DAB1: variants seen among roughly 807,000 people sequenced by gnomAD.
The protein encoded by DAB1 is DAB adaptor protein 1, also known as disabled homolog 1.
DAB1 carries 15 observed loss-of-function variants against 64.6 expected under a neutral mutation model. The ratio of observed to expected loss-of-function variants is 0.23; its 90% CI spans 0.16 to 0.36. The LOEUF is 0.36. Among genes scored for constraint, DAB1 ranks in the 10% least tolerant of loss-of-function variants. The pLI is 1.00. For synonymous variants in DAB1, 235 were observed against 251.9 expected (o/e 0.93, Z 0.64); for missense variants, 596 against 706.7 (o/e 0.84, Z 1.78).
intron 1 of DAB1, among the ~76,000 whole-genome samples, chr1:57,833,164 T>C (rs1652664887): frequency 6.6e-6 from 1 of 152,198 alleles, no homozygotes; most frequent in Admixed American, 6.5e-5. Flanking sequence ...TTGGTTGTTG[T>C]TATTGCCTAT....
chr1:57,067,255 T>G (rs2100582771), intron 8 of DAB1, among the ~76,000 whole-genome samples: 1 of 152,150 alleles, frequency 6.6e-6, no homozygotes, highest in Admixed American at 6.5e-5. Context: ...CAAGTGTGAT[T>G]TTTAGATAGT....
At chr1:58,264,729 G>C (rs951339778) in intron 4 of DAB1, among the ~76,000 whole-genome samples, 1 of 152,116 alleles carries the variant, frequency 6.6e-6, no homozygotes, top group Non-Finnish European at 1.5e-5. Context: ...CACTTTTTTG[G>C]GTGAGAACTA....
At chr1:57,406,086 G>A (rs1307859871) in intron 1 of DAB1, among the ~76,000 whole-genome samples, 1 of 152,130 alleles carries the variant, frequency 6.6e-6, no homozygotes, top group Non-Finnish European at 1.5e-5. Flanking sequence ...ATATGTGATG[G>A]CACATGCCTC....
chr1:57,920,855 GCA>G (rs1644798340), intron 5 of DAB1, among the ~76,000 whole-genome samples: 1 of 152,036 alleles, frequency 6.6e-6, no homozygotes, highest in Admixed American at 6.6e-5. Context: ...CTATAAATTG[GCA>G]CAACCCTTTT....
rs1234238976 is a variant in DAB1 at position 57,071,602 on chromosome 1, G to A, written c.478C>T (p.Leu160Phe). ...TCTCTTTGCTTCAATTCATAAATGA[G>A]TTGAAAGAGATCTCTCAAGTCCAGA... ...VILDLRDLFQLIYELKQREEL... is the reference protein window; with the variant it reads ...VILDLRDLFQFIYELKQREEL... The change falls in exon 6 of 15, where the codon CTC (leucine) becomes TTC (phenylalanine). Residue 160 changes from leucine (L) to phenylalanine (F), a missense_variant. Leu to Phe is a conservative substitution (Grantham distance 22). Coordinates refer to ENST00000371236, the MANE Select transcript of DAB1 (RefSeq NM_001365792.1). The A allele has an allele frequency of 3.7e-6, 6 of 1,613,122 alleles. No individual in the cohort carries two copies. In the South Asian group the frequency reaches 4.4e-5, roughly 12 times the overall value.
At chr1:57,281,291 G>A (rs556945298) in intron 2 of DAB1, among the ~76,000 whole-genome samples, 89 of 152,288 alleles carry the variant, frequency 5.8e-4, no homozygotes, top group African/African-American at 2.0e-3. Flanking sequence ...ACCCACAACT[G>A]GGGGGCATGT....
intron 3 of DAB1, among the ~76,000 whole-genome samples, chr1:58,456,864 A>G (rs893417227): frequency 3.9e-5 from 6 of 152,136 alleles, no homozygotes; most frequent in African/African-American, 1.4e-4. Flanking sequence ...GTATTTTTTA[A>G]AAACATTCCA....
chr1:57,543,329 T>G (rs542058647), intron 7 of DAB1, among the ~76,000 whole-genome samples: 2 of 152,138 alleles, frequency 1.3e-5, no homozygotes, highest in Non-Finnish European at 2.9e-5. Context: ...TCAAACCCAC[T>G]CCTTCCCCTA....
At chr1:57,043,556 A>G (rs1051358211) in intron 9 of DAB1, among the ~76,000 whole-genome samples, 1 of 152,204 alleles carries the variant, frequency 6.6e-6, no homozygotes, top group Non-Finnish European at 1.5e-5. Flanking sequence ...TTTAAAAAAT[A>G]TCAGATGAGG....
intron 4 of DAB1, among the ~76,000 whole-genome samples, chr1:58,177,469 C>T (rs1184421777): frequency 6.6e-6 from 1 of 152,118 alleles, no homozygotes; most frequent in Non-Finnish European, 1.5e-5. Flanking sequence ...CTTAATGTAG[C>T]TAAATATTCA....
chr1:58,136,890 GCTGT>G (rs1190423475), intron 5 of DAB1, among the ~76,000 whole-genome samples: 1 of 152,178 alleles, frequency 6.6e-6, no homozygotes, highest in African/African-American at 2.4e-5. Flanking sequence ...TTATACTAGA[GCTGT>G]CTAATTTTAA....
At chr1:57,773,627 T>TATCA (rs1448925017) in intron 6 of DAB1, among the ~76,000 whole-genome samples, 14 of 152,056 alleles carry the variant, frequency 9.2e-5, no homozygotes, top group Admixed American at 9.2e-4. Flanking sequence ...CTAGGAGCTT[T>TATCA]ATCATTTCAG....
At chr1:58,135,951 G>A (rs1050081356) in intron 5 of DAB1, among the ~76,000 whole-genome samples, 2 of 152,100 alleles carry the variant, frequency 1.3e-5, no homozygotes, top group African/African-American at 4.8e-5. Context: ...TACCCTCTCT[G>A]CGGTGCAGTG....
intron 4 of DAB1, among the ~76,000 whole-genome samples, chr1:58,277,666 C>T (rs185736543): frequency 6.6e-6 from 1 of 152,244 alleles, no homozygotes; most frequent in African/African-American, 2.4e-5. Context: ...GTGGTGGAAA[C>T]CATGGTCTAA....
chr1:58,237,648 A>AT (rs1262559320), intron 4 of DAB1, among the ~76,000 whole-genome samples: 2 of 152,164 alleles, frequency 1.3e-5, no homozygotes, highest in Non-Finnish European at 2.9e-5. Context: ...GTCAAGAGGC[A>AT]TTCTCTCACA....
intron 3 of DAB1, among the ~76,000 whole-genome samples, chr1:58,493,522 C>T (rs1431856075): frequency 4.4e-4 from 66 of 151,362 alleles, no homozygotes; most frequent in East Asian, 1.5e-3. Flanking sequence ...AAAACCCCAT[C>T]GTCTCAGCCC....
At chr1:57,651,044 G>A (rs926711622) in intron 6 of DAB1, among the ~76,000 whole-genome samples, 5 of 151,828 alleles carry the variant, frequency 3.3e-5, no homozygotes, top group African/African-American at 1.2e-4. Context: ...TAAGAAAATT[G>A]TTCATTCAAA....
At chr1:57,807,059 C>T (rs1160933378) in intron 6 of DAB1, among the ~76,000 whole-genome samples, 1 of 152,140 alleles carries the variant, frequency 6.6e-6, no homozygotes, top group Non-Finnish European at 1.5e-5. Flanking sequence ...TGATCATAGT[C>T]AAGGCTCTCA....
At position 57,915,155 on chromosome 1, in the gene DAB1, G is replaced by C. The variant is rs1644708115; in HGVS notation, n.388-30993C>G. On this transcript the variant is annotated intron_variant and non_coding_transcript_variant, in intron 5 of 20. Transcript: ENST00000485760. ...AAAAAAAAAAAAAAAAGAACTGGAAGGAAATACCCGGAAGGAAAAAAAGAA... is the reference window on the plus strand; with the variant it reads ...AAAAAAAAAAAAAAAAGAACTGGAACGAAATACCCGGAAGGAAAAAAAGAA... 4.7e-5 allele frequency among the ~76,000 whole-genome samples: 4 copies of C among 85,792 alleles called. No homozygotes were observed. The Admixed American group carries it at 4.9e-4, about 10-fold the overall frequency. 56.3% of individuals were successfully genotyped at this position (85,792 alleles called of 152,430 possible). A position where few individuals can be genotyped will look rare whatever the true frequency, so the allele number is the denominator to read the frequency against.
Sources: gnomAD v4.1 joint callset for allele counts (sites outside exome capture counted in the v4.1 genomes callset) on GRCh38, gnomAD v4.1.1 for gene constraint, MANE v1.5 for transcripts, NCBI Gene and HGNC (gene_info 2026-07-23, HGNC 2026-07-21) for gene names.